The following DOCK9 variants were observed in gnomAD, a reference collection of about 807,000 sequenced individuals.
DOCK9 encodes dedicator of cytokinesis protein 9.
DOCK9 carries 89 observed loss-of-function variants against 263.3 expected under a neutral mutation model. The ratio of observed to expected loss-of-function variants is 0.34; its 90% CI spans 0.28 to 0.40. DOCK9 has a LOEUF of 0.40. Ranked by LOEUF, DOCK9 falls within the 10% of genes least tolerant of loss-of-function variation. The pLI, the probability that DOCK9 is intolerant of heterozygous loss-of-function variation, is 1.00. For missense variants in DOCK9, 2,140 were observed against 2,603.4 expected (o/e 0.82, Z 3.87); for synonymous variants, 976 against 973.1 (o/e 1.00, Z -0.06).
chr13:99,047,590 C>A (rs145495311), intron 1 of DOCK9, among the ~76,000 whole-genome samples: 4,176 of 148,200 alleles, frequency 0.028, 94 homozygotes, highest in South Asian at 0.063. Flanking sequence ...GCCATCCTGG[C>A]TCTCTGTAAC....
intron 45 of DOCK9, among the ~76,000 whole-genome samples, chr13:98,812,127 A>ATT (rs56880707): frequency 0.016 from 1,211 of 77,588 alleles, 13 homozygotes; most frequent in East Asian, 0.031. Flanking sequence ...AAACCACAGG[A>ATT]TTTTTTTTTT....
rs554191684 is a variant in DOCK9 at position 99,021,435 on chromosome 13, T to C, written c.129+64788A>G. On this transcript the variant is annotated intron_variant, in intron 1 of 32. Coordinates refer to the DOCK9 transcript ENST00000427887. ...CGGATGGATCACGAGGTCAGGTGAT[T>C]GAGACCATCCTGGCTAACACGGTGA... is the stretch of plus-strand genomic sequence containing the variant. Among the ~76,000 whole-genome samples the C allele has an allele frequency of 4.0e-3, 601 of 152,076 alleles. 2 individuals carry two copies. Among genetic ancestry groups the C allele is most frequent in the Non-Finnish European group, 6.1e-3 (415 of 67,960 alleles).
At chr13:98,888,018 T>C in intron 18 of DOCK9, 140 bp downstream of exon 18, 1 of 622,028 alleles carries the variant, frequency 1.6e-6, no homozygotes, top group Non-Finnish European at 2.8e-6. Flanking sequence ...TATATGTTTA[T>C]ACATTGTAAC....
At chr13:99,086,163 G>C (rs1046065603) in intron 1 of DOCK9, 7 of 1,420,516 alleles carry the variant, frequency 4.9e-6, no homozygotes, top group Admixed American at 2.8e-5. Flanking sequence ...CCCGGCCCGG[G>C]GCCCGCAGCT....
Position 98,971,616 on chromosome 13 carries a change from G to C in DOCK9, c.126+6168C>G, listed in dbSNP as rs141176741. On this transcript the variant is annotated intron_variant, in intron 1 of 52. Coordinates refer to ENST00000682017, the MANE Select transcript of DOCK9 (RefSeq NM_001366683.2). Reference sequence around the variant, plus strand: ...CCAGCTACTTGGGAGGCTGAGGCAGGAGAATGGCATGAACCCGGAAGGCGG... The same window carrying C: ...CCAGCTACTTGGGAGGCTGAGGCAGCAGAATGGCATGAACCCGGAAGGCGG... 8.8e-4 allele frequency among the ~76,000 whole-genome samples: 134 copies of C among 152,058 alleles called. 2 individuals carry two copies. The East Asian group carries it at 0.026, about 29-fold the overall frequency.
At position 98,825,867 on chromosome 13, in the gene DOCK9, C is replaced by T; in HGVS notation, c.5023+963G>A. 1 of 1,526,078 alleles carries T rather than the reference C, an allele frequency of 6.6e-7. No individual in the cohort carries two copies. Among genetic ancestry groups the T allele is most frequent in the Non-Finnish European group, 8.8e-7 (1 of 1,133,518 alleles). The allele number at this position is 1,526,078 out of a possible 1,614,324, so 94.5% of individuals were successfully genotyped here. A position where few individuals can be genotyped will look rare whatever the true frequency, so the allele number is the denominator to read the frequency against. ...CCCGGGGGCTGGGCTGATCCTCAGG[C>T]TCACCTCCCCGGCTCCTCCTCAGGC... On this transcript the variant is annotated intron_variant, in intron 44 of 52. Transcript: ENST00000682017. The surrounding 1 kb of genome is among the most constrained non-coding windows in gnomAD (Gnocchi z 4.1).
At chr13:99,043,940 T>C (rs1281032387) in intron 1 of DOCK9, among the ~76,000 whole-genome samples, 1 of 152,180 alleles carries the variant, frequency 6.6e-6, no homozygotes, top group Non-Finnish European at 1.5e-5. Flanking sequence ...CCTCATACAC[T>C]GCCTGGCACC....
At chr13:99,030,314 A>G (rs752105596) in intron 1 of DOCK9, among the ~76,000 whole-genome samples, 6 of 152,264 alleles carry the variant, frequency 3.9e-5, no homozygotes, top group Admixed American at 6.5e-5. Context: ...GAAATAAATC[A>G]TAAGAAACCA....
chr13:98,813,380 T>A (rs747996322), intron 45 of DOCK9, among the ~76,000 whole-genome samples: 6 of 152,156 alleles, frequency 3.9e-5, no homozygotes, highest in Non-Finnish European at 7.3e-5. Flanking sequence ...TGTTTTCAGG[T>A]TAAGGAAGTT....
At chr13:99,086,542 C>T (rs2042348539) in exon 1 of DOCK9, 1 of 193,470 alleles carries the variant, frequency 5.2e-6, no homozygotes, top group South Asian at 1.6e-4. Flanking sequence ...CCGTGTCACG[C>T]CCCAAGGCGC....
chr13:98,848,907 C>T (rs910909489), intron 36 of DOCK9, among the ~76,000 whole-genome samples: 3 of 152,108 alleles, frequency 2.0e-5, no homozygotes, highest in Admixed American at 1.3e-4. Flanking sequence ...CAGAGGCCCA[C>T]GACCGACAGG....
chr13:98,953,726 GC>G (rs901658372), intron 2 of DOCK9, among the ~76,000 whole-genome samples: 3 of 152,168 alleles, frequency 2.0e-5, no homozygotes, highest in African/African-American at 7.2e-5. Flanking sequence ...CAAATCACAG[GC>G]AAAAGGCATC....
chr13:99,018,436 C>T (rs1198259049), intron 1 of DOCK9, among the ~76,000 whole-genome samples: 3 of 152,150 alleles, frequency 2.0e-5, no homozygotes, highest in African/African-American at 4.8e-5. Context: ...AATAGTGGGA[C>T]GAATAAATTT....
At chr13:99,040,767 T>C (rs906905098) in intron 1 of DOCK9, among the ~76,000 whole-genome samples, 18 of 152,124 alleles carry the variant, frequency 1.2e-4, no homozygotes, top group African/African-American at 4.3e-4. Flanking sequence ...CAAATCATAA[T>C]AGGATGTATT....
intron 45 of DOCK9, among the ~76,000 whole-genome samples, chr13:98,815,731 T>C (rs749289438): frequency 2.0e-5 from 3 of 152,202 alleles, no homozygotes; most frequent in African/African-American, 4.8e-5. Flanking sequence ...TCCACCCACC[T>C]TGGCCTCCCA....
chr13:99,078,089 G>T (rs945102052), intron 1 of DOCK9, among the ~76,000 whole-genome samples: 1 of 152,082 alleles, frequency 6.6e-6, no homozygotes, highest in African/African-American at 2.4e-5. Flanking sequence ...ACCTAACTTG[G>T]GATGAAAAGT....
chr13:99,033,577 G>A (rs1289737225), intron 1 of DOCK9, among the ~76,000 whole-genome samples: 1 of 152,190 alleles, frequency 6.6e-6, no homozygotes, highest in Non-Finnish European at 1.5e-5. Context: ...ATGGAAGCTC[G>A]TGCATCTTTG....
chr13:98,944,297 T>C (rs1334691686), intron 2 of DOCK9, among the ~76,000 whole-genome samples: 1 of 149,140 alleles, frequency 6.7e-6, no homozygotes, highest in East Asian at 2.0e-4. Flanking sequence ...GTTACATGTG[T>C]AGTTAATGTC....
At chr13:98,965,934 G>A (rs908835677) in intron 1 of DOCK9, among the ~76,000 whole-genome samples, 2 of 152,062 alleles carry the variant, frequency 1.3e-5, no homozygotes, top group Admixed American at 1.3e-4. Context: ...TTTTTATACA[G>A]CAGTTATACA....
Sources: allele counts gnomAD v4.1 joint callset (sites outside exome capture counted in the v4.1 genomes callset), GRCh38; gene constraint gnomAD v4.1.1; non-coding constraint Gnocchi (gnomAD v3.1); transcripts MANE v1.5; gene names NCBI Gene and HGNC (gene_info 2026-07-23, HGNC 2026-07-21).